The following LUZP2 variants were observed in gnomAD, a reference collection of about 807,000 sequenced individuals.
The protein encoded by LUZP2 is leucine zipper protein 2.
A neutral mutation model predicts 51.6 loss-of-function variants in LUZP2; 52 were observed. The observed-to-expected ratio is 1.01, with a 90% CI of 0.81 to 1.27. LUZP2 has a LOEUF of 1.27. Ranked by LOEUF, LUZP2 falls within the 50% of genes most tolerant of loss-of-function variation. The pLI is 0.00. For synonymous variants in LUZP2, 154 were observed against 137.3 expected (o/e 1.12, Z -0.85); for missense variants, 436 against 395.4 (o/e 1.10, Z -0.87).
At chr11:25,014,656 TG>T (rs1463068681) in intron 9 of LUZP2, among the ~76,000 whole-genome samples, 7 of 152,206 alleles carry the variant, frequency 4.6e-5, no homozygotes, top group African/African-American at 1.7e-4. Context: ...ATTAGCCTTT[TG>T]TCAGATGAGT....
intron 1 of LUZP2, among the ~76,000 whole-genome samples, chr11:24,575,709 G>C (rs896366670): frequency 6.6e-6 from 1 of 152,018 alleles, no homozygotes; most frequent in Non-Finnish European, 1.5e-5. Context: ...AAAACATCAC[G>C]TAGTTTTTTA....
At chr11:24,971,696 C>T (rs1023571553) in intron 7 of LUZP2, among the ~76,000 whole-genome samples, 1 of 152,034 alleles carries the variant, frequency 6.6e-6, no homozygotes, top group African/African-American at 2.4e-5. Flanking sequence ...AATCCAGTAC[C>T]TAATCCTTTC....
Position 24,729,941 on chromosome 11 carries a change from G to T in LUZP2, c.180+655G>T, listed in dbSNP as rs550760501. ...GTTACACATGAGAGATAATGTTTAG[G>T]AAAGATATGTTATTTTTGAATGTTA... On this transcript the variant is annotated intron_variant, in intron 2 of 11. Transcript: ENST00000336930. Among the ~76,000 whole-genome samples, 11 of 151,850 alleles carry T rather than the reference G, an allele frequency of 7.2e-5. No homozygotes were observed. In the South Asian group the frequency reaches 2.1e-3, roughly 29 times the overall value.
chr11:24,692,309 A>G (rs1857098828), intron 1 of LUZP2, among the ~76,000 whole-genome samples: 1 of 152,074 alleles, frequency 6.6e-6, no homozygotes, highest in Non-Finnish European at 1.5e-5. Context: ...TGGCCGTATC[A>G]GGTTCTACGT....
chr11:24,882,940 GA>G (rs1852529167), intron 5 of LUZP2, among the ~76,000 whole-genome samples: 1 of 144,314 alleles, frequency 6.9e-6, no homozygotes, highest in Non-Finnish European at 1.5e-5. Flanking sequence ...AAGAAAGAAA[GA>G]GAAAGAAAGG....
At chr11:24,660,108 G>A (rs1419066420) in intron 1 of LUZP2, among the ~76,000 whole-genome samples, 3 of 152,122 alleles carry the variant, frequency 2.0e-5, no homozygotes, top group Non-Finnish European at 2.9e-5. Flanking sequence ...AGAAGGAAGC[G>A]ACCATGCATT....
chr11:24,517,301 C>T (rs1033970772), intron 1 of LUZP2, among the ~76,000 whole-genome samples: 1 of 151,434 alleles, frequency 6.6e-6, no homozygotes, highest in South Asian at 2.1e-4. Context: ...CTGGCTAACA[C>T]AGTGAAACCC....
intron 5 of LUZP2, among the ~76,000 whole-genome samples, chr11:24,793,742 A>G (rs550665263): frequency 1.3e-5 from 2 of 152,230 alleles, no homozygotes; most frequent in African/African-American, 4.8e-5. Flanking sequence ...ACTAGTAATT[A>G]CGTATAAGTC....
rs1858318391 is a variant in LUZP2, at chr11:25,046,554, T to A, written c.766-3484T>A. 3.9e-5 allele frequency among the ~76,000 whole-genome samples: 6 copies of A among 152,042 alleles called. 1 individual carries two copies. In the South Asian group the frequency reaches 1.0e-3, roughly 26 times the overall value. On this transcript the variant is annotated intron_variant, in intron 9 of 11. Coordinates refer to ENST00000336930, the MANE Select transcript of LUZP2 (RefSeq NM_001009909.4). ...AAAGGAAAGAGAAGGAAACAAAAAA[T>A]TGTGAATGAAAAATATGTACTAGCT...
At chr11:24,497,526 G>C (rs1455221042) in intron 1 of LUZP2, among the ~76,000 whole-genome samples, 4 of 152,214 alleles carry the variant, frequency 2.6e-5, no homozygotes, top group Non-Finnish European at 5.9e-5. Flanking sequence ...ATTGCTCTCA[G>C]TGAGGGATCA....
At chr11:24,557,702 T>G (rs1310628773) in intron 1 of LUZP2, among the ~76,000 whole-genome samples, 1 of 152,194 alleles carries the variant, frequency 6.6e-6, no homozygotes, top group Non-Finnish European at 1.5e-5. Context: ...TATGTCTAAG[T>G]TACATCTAAT....
intron 1 of LUZP2, among the ~76,000 whole-genome samples, chr11:24,728,345 T>G (rs1858570330): frequency 6.6e-6 from 1 of 151,850 alleles, no homozygotes; most frequent in Admixed American, 6.6e-5. Context: ...CACATACAGA[T>G]ACAGTATACT....
intron 5 of LUZP2, among the ~76,000 whole-genome samples, chr11:24,898,529 A>G (rs553481006): frequency 1.3e-5 from 2 of 152,176 alleles, no homozygotes; most frequent in Non-Finnish European, 2.9e-5. Context: ...AGCCTGAGGC[A>G]GGAGAATGGC....
chr11:24,928,206 A>T, intron 7 of LUZP2, among the ~76,000 whole-genome samples: 1 of 151,850 alleles, frequency 6.6e-6, no homozygotes, highest in African/African-American at 2.4e-5. Flanking sequence ...CTTCCTCTTT[A>T]CCAATTTGGA....
chr11:24,896,542 G>A (rs1384526391), intron 5 of LUZP2, among the ~76,000 whole-genome samples: 2 of 152,170 alleles, frequency 1.3e-5, no homozygotes, highest in African/African-American at 2.4e-5. Context: ...CAGGGCTCAG[G>A]ACCTGCAGCC....
At chr11:24,732,081 C>T (rs764385406) in intron 2 of LUZP2, 37 bp from the exon 3 acceptor site, 2 of 1,521,700 alleles carry the variant, frequency 1.3e-6, no homozygotes, top group Non-Finnish European at 1.8e-6. Flanking sequence ...CAATTTCTCA[C>T]CTGAATAAAA....
chr11:24,531,046 T>G, intron 1 of LUZP2, among the ~76,000 whole-genome samples: 1 of 147,346 alleles, frequency 6.8e-6, no homozygotes, highest in East Asian at 2.0e-4. Flanking sequence ...TCTTTTATTA[T>G]TATTATTATT....
At chr11:24,924,055 C>CA (rs1332468013) in intron 7 of LUZP2, among the ~76,000 whole-genome samples, 1 of 151,728 alleles carries the variant, frequency 6.6e-6, no homozygotes, top group Admixed American at 6.6e-5. Flanking sequence ...CTTGCCCCCC[C>CA]ACACCCAGCC....
chr11:24,576,613 G>A lies in LUZP2; in HGVS notation c.62+79308G>A, dbSNP rs189967707. 3.3e-5 allele frequency among the ~76,000 whole-genome samples: 5 copies of A among 152,002 alleles called. No individual in the cohort carries two copies. The East Asian group carries it at 9.7e-4, about 29-fold the overall frequency. On this transcript the variant is annotated intron_variant, in intron 1 of 11. Coordinates refer to ENST00000336930, the MANE Select transcript of LUZP2 (RefSeq NM_001009909.4). ...TAAAGAAAAAACACGCGTACAGACA[G>A]TGCCGAATTGCCAATGCCAAACATT...
Sources: allele counts gnomAD v4.1 joint callset (sites outside exome capture counted in the v4.1 genomes callset), GRCh38; gene constraint gnomAD v4.1.1; transcripts MANE v1.5; gene names NCBI Gene and HGNC (gene_info 2026-07-23, HGNC 2026-07-21).